Variants in ABTB3 observed in about 807,000 individuals in gnomAD.
ABTB3 encodes ankyrin repeat and BTB domain containing 3.
At chr12:107,510,392 A>C in the ABTB3 span, among the ~76,000 whole-genome samples, 1 of 151,830 alleles carries the variant, frequency 6.6e-6, no homozygotes, top group Admixed American at 6.6e-5. Context: ...AGCCTTATAC[A>C]ATCATCTCCT....
the ABTB3 span, among the ~76,000 whole-genome samples, chr12:107,565,060 A>G: frequency 1.3e-5 from 2 of 152,370 alleles, no homozygotes; most frequent in Admixed American, 1.3e-4. Context: ...ACTTGGACAC[A>G]TCCCAGAGAT....
At chr12:107,399,202 C>G in the ABTB3 span, among the ~76,000 whole-genome samples, 1 of 152,166 alleles carries the variant, frequency 6.6e-6, no homozygotes, top group Admixed American at 6.5e-5. Context: ...TAAACAGAAG[C>G]CCAGCTGGCT....
the ABTB3 span, among the ~76,000 whole-genome samples, chr12:107,542,311 C>CAAA: frequency 3.4e-5 from 4 of 119,192 alleles, 1 homozygote; most frequent in East Asian, 2.5e-4. Context: ...AACTCTGTCT[C>CAAA]AAAAAAAAAA....
the ABTB3 span, among the ~76,000 whole-genome samples, chr12:107,573,262 G>A: frequency 6.6e-6 from 1 of 152,286 alleles, no homozygotes; most frequent in South Asian, 2.1e-4. Flanking sequence ...GGTGAGGGAG[G>A]AAGAATCAGC....
At chr12:107,477,074 A>AG in the ABTB3 span, among the ~76,000 whole-genome samples, 1 of 152,118 alleles carries the variant, frequency 6.6e-6, no homozygotes, top group Non-Finnish European at 1.5e-5. Context: ...CTCCTCAGGG[A>AG]CATTAAAATG....
chr12:107,508,713 G>T, the ABTB3 span, among the ~76,000 whole-genome samples: 17 of 152,046 alleles, frequency 1.1e-4, no homozygotes, highest in African/African-American at 3.6e-4. Context: ...CTCCCAAAGT[G>T]CTGGGATTAC....
chr12:107,407,329 T>C, the ABTB3 span, among the ~76,000 whole-genome samples: 1 of 152,234 alleles, frequency 6.6e-6, no homozygotes. Context: ...ACTCAGTGAC[T>C]AAAAGCAACA....
chr12:107,439,725 T>C, the ABTB3 span, among the ~76,000 whole-genome samples: 1 of 152,230 alleles, frequency 6.6e-6, no homozygotes, highest in Non-Finnish European at 1.5e-5. Context: ...ATGTAACATA[T>C]ACATCTCAAT....
the ABTB3 span, among the ~76,000 whole-genome samples, chr12:107,386,284 C>G: frequency 6.6e-6 from 1 of 152,204 alleles, no homozygotes; most frequent in Non-Finnish European, 1.5e-5. Context: ...ATTCCTCTCC[C>G]TTGTCATGAA....
At chr12:107,438,403 C>T in the ABTB3 span, among the ~76,000 whole-genome samples, 1 of 152,176 alleles carries the variant, frequency 6.6e-6, no homozygotes, top group African/African-American at 2.4e-5. Context: ...CTTGCAGAAG[C>T]TTGCGGGATG....
the ABTB3 span, among the ~76,000 whole-genome samples, chr12:107,444,429 G>C: frequency 6.6e-6 from 1 of 152,178 alleles, no homozygotes; most frequent in African/African-American, 2.4e-5. Context: ...ACCTAACTGT[G>C]CTCAGTGGCC....
the ABTB3 span, among the ~76,000 whole-genome samples, chr12:107,555,201 G>C: frequency 1.3e-5 from 2 of 152,166 alleles, no homozygotes; most frequent in African/African-American, 2.4e-5. Context: ...GTGACAAGCT[G>C]TGCCAGGAAA....
chr12:107,581,325 G>T, the ABTB3 span: 2 of 1,309,890 alleles, frequency 1.5e-6, no homozygotes, highest in East Asian at 6.8e-5. Flanking sequence ...GGGCGGGCGG[G>T]GGGCGGCAGG....
the ABTB3 span, among the ~76,000 whole-genome samples, chr12:107,555,005 G>T: frequency 6.6e-6 from 1 of 152,136 alleles, no homozygotes; most frequent in Non-Finnish European, 1.5e-5. Flanking sequence ...CCTCATGTGA[G>T]GCTGGATCCC....
chr12:107,359,336 G>A, the ABTB3 span, among the ~76,000 whole-genome samples: 1 of 152,170 alleles, frequency 6.6e-6, no homozygotes. Context: ...AGAAATGACT[G>A]CTAATTAGAT....
At chr12:107,520,399 G>A in the ABTB3 span, 1 of 1,523,462 alleles carries the variant, frequency 6.6e-7, no homozygotes, top group African/African-American at 1.4e-5. Context: ...GTGGTTTGAG[G>A]TTGTGCAAGA....
the ABTB3 span, among the ~76,000 whole-genome samples, chr12:107,368,529 G>T: frequency 5.9e-5 from 9 of 151,320 alleles, no homozygotes; most frequent in African/African-American, 2.2e-4. Flanking sequence ...CCCCAGTACC[G>T]TGAACAATAA....
chr12:107,398,957 T>C, the ABTB3 span, among the ~76,000 whole-genome samples: 3 of 152,116 alleles, frequency 2.0e-5, no homozygotes, highest in African/African-American at 7.2e-5. Flanking sequence ...CTATCTTGCA[T>C]GGGGTCGGGA....
At chr12:107,457,152 G>A in the ABTB3 span, among the ~76,000 whole-genome samples, 1 of 152,216 alleles carries the variant, frequency 6.6e-6, no homozygotes, top group African/African-American at 2.4e-5. Context: ...GTAAGCCACC[G>A]TGCTCGGCCC....
Sources: allele counts gnomAD v4.1 joint callset (sites outside exome capture counted in the v4.1 genomes callset), GRCh38; gene constraint gnomAD v4.1.1; transcripts MANE v1.5; gene names NCBI Gene and HGNC (gene_info 2026-07-23, HGNC 2026-07-21).